The following COL6A6 variants were observed in gnomAD, a reference collection of about 807,000 sequenced individuals.
The protein encoded by COL6A6 is collagen type VI alpha 6 chain, also known as collagen alpha-6(VI) chain.
COL6A6 carries 183 observed loss-of-function variants against 208.6 expected under a neutral mutation model. The ratio of observed to expected loss-of-function variants is 0.88; its 90% CI spans 0.78 to 0.99. The LOEUF is 0.99. COL6A6 is among the 50% of genes least tolerant of loss of function. The pLI is 0.00. For synonymous variants in COL6A6, 973 were observed against 1,011.8 expected (o/e 0.96, Z 0.73); for missense variants, 2,816 against 2,815.2 (o/e 1.00, Z -0.01).
chr3:130,612,252 A>T (rs2064382374), intron 23 of COL6A6, among the ~76,000 whole-genome samples: 1 of 152,146 alleles, frequency 6.6e-6, no homozygotes, highest in African/African-American at 2.4e-5. Flanking sequence ...GTACACATGC[A>T]TGTGTCTTTA....
intron 35 of COL6A6, among the ~76,000 whole-genome samples, chr3:130,664,724 T>C (rs1313459142): frequency 6.6e-6 from 1 of 152,226 alleles, no homozygotes; most frequent in Non-Finnish European, 1.5e-5. Flanking sequence ...TAGGACTGGC[T>C]CATTGTTATC....
Position 130,566,687 on chromosome 3 carries a change from T to G in COL6A6, c.1283-15T>G, listed in dbSNP as rs1485861296. The G allele has an allele frequency of 6.4e-7, 1 of 1,569,648 alleles. No homozygotes were observed. The highest frequency in any genetic ancestry group is 1.4e-5 in the African/African-American group (1 of 73,360). On this transcript the variant is annotated splice_polypyrimidine_tract_variant and intron_variant, in intron 4 of 36. Coordinates refer to ENST00000358511, the MANE Select transcript of COL6A6 (RefSeq NM_001102608.3). ...TTGCTCAAATGCCACATGCAACTTA[T>G]TGATTCCTTTTTAGGTTGTGTGGAC... is the stretch of plus-strand genomic sequence containing the variant.
rs71133610 is a variant in COL6A6, at chr3:130,590,299, A to ATTTTTT, written c.4219-717_4219-712dup. The stretch of plus-strand genomic sequence containing the variant: ...TATATATATATATATATATATATAT[A>ATTTTTT]TTTTTTTTTTTTTTTTTTTTTTTTT... On this transcript the variant is annotated intron_variant, in intron 12 of 36. Coordinates refer to ENST00000358511, the MANE Select transcript of COL6A6 (RefSeq NM_001102608.3). 9.8e-4 allele frequency among the ~76,000 whole-genome samples: 9 copies of ATTTTTT among 9,174 alleles called. 1 individual carries two copies. Among genetic ancestry groups the ATTTTTT allele is most frequent in the South Asian group, 5.3e-3 (1 of 190 alleles). The allele number at this position is 9,174 out of a possible 152,430, so 6.0% of individuals were successfully genotyped here. A position where few individuals can be genotyped will look rare whatever the true frequency, so the allele number is the denominator to read the frequency against.
chr3:130,589,228 C>A, intron 12 of COL6A6, 46 bp downstream of exon 12: 1 of 1,357,776 alleles, frequency 7.4e-7, no homozygotes, highest in Non-Finnish European at 1.1e-6. Context: ...TGTAGTATGT[C>A]CTTCAGACAT....
intron 1 of COL6A6, among the ~76,000 whole-genome samples, chr3:130,551,304 A>AT (rs2062636063): frequency 6.6e-6 from 1 of 152,016 alleles, no homozygotes; most frequent in African/African-American, 2.4e-5. Flanking sequence ...GGTCCTGTGC[A>AT]TTTTTTGGTT....
At chr3:130,517,143 A>G (rs1710777832), upstream of COL6A6, among the ~76,000 whole-genome samples, 1 of 151,946 alleles carries the variant, frequency 6.6e-6, no homozygotes, top group African/African-American at 2.4e-5. Context: ...GGGCGGGGAG[A>G]AGCGTTTATA....
At chr3:130,638,393 C>G (rs973120600) in intron 28 of COL6A6, among the ~76,000 whole-genome samples, 3 of 152,190 alleles carry the variant, frequency 2.0e-5, no homozygotes, top group African/African-American at 7.2e-5. Context: ...GGCAAGTGTT[C>G]TCTCCAACTT....
Position 130,661,901 on chromosome 3 carries a change from A to G in COL6A6, c.6095A>G (p.Glu2032Gly), listed in dbSNP as rs192669670. 2.0e-5 allele frequency: 32 copies of G among 1,613,982 alleles called. No individual in the cohort carries two copies. In the Middle Eastern group the frequency reaches 4.9e-4, roughly 25 times the overall value. Residue 2032 changes from glutamate (E) to glycine (G), a missense_variant, in exon 35 of 37, where the codon GAG becomes GGG. Transcript: ENST00000358511. ...ACTCAGAAGAGTCCAGTTAGAGCTG[A>G]GTTCAATCTTACCACCTACAGAAGT... ...PNTQKSPVRA[E>G]FNLTTYRSKR...
In COL6A6 at chr3:130,571,019, C is replaced by G. The variant is rs372719031; in HGVS notation, c.2603C>G (p.Thr868Arg). 7.4e-6 allele frequency: 12 copies of G among 1,613,810 alleles called. No individual in the cohort carries two copies. The highest frequency in any genetic ancestry group is 1.7e-6 in the Non-Finnish European group (2 of 1,179,876). ...CTGTTTTATCTGGATGACTTTGGCA[C>G]AAAACTGGAGGTAATTTCAGTGCTC... is the stretch of plus-strand genomic sequence containing the variant. ...EVLFYLDDFG[T>R]KLEVISVLQN... Residue 868 changes from threonine (T) to arginine (R), a missense_variant, in exon 7 of 37, where the codon ACA (threonine) becomes AGA (arginine). Coordinates refer to ENST00000358511, the MANE Select transcript of COL6A6 (RefSeq NM_001102608.3).
chr3:130,655,821 T>G (rs1031472357), intron 33 of COL6A6, among the ~76,000 whole-genome samples: 2 of 152,248 alleles, frequency 1.3e-5, no homozygotes, highest in African/African-American at 4.8e-5. Context: ...TCAGGCCCAC[T>G]AGGCTTGTTC....
intron 36 of COL6A6, among the ~76,000 whole-genome samples, chr3:130,667,143 C>G (rs1256393343): frequency 6.6e-6 from 1 of 152,074 alleles, no homozygotes; most frequent in African/African-American, 2.4e-5. Context: ...GTATGTACTT[C>G]AAGAAAAATA....
intron 12 of COL6A6, among the ~76,000 whole-genome samples, 166 bp from the exon 13 acceptor site, chr3:130,590,875 A>C (rs997679647): frequency 6.6e-6 from 1 of 152,138 alleles, no homozygotes. Context: ...CCAAAATTCC[A>C]TTTCTTTTTA....
chr3:130,621,903 C>G lies in COL6A6; in HGVS notation c.4878+20C>G, dbSNP rs762413835. 207 of 1,600,822 alleles carry G rather than the reference C, an allele frequency of 1.3e-4. No homozygotes were observed. In the South Asian group the frequency reaches 1.7e-3, roughly 13 times the overall value. ...AATAAAGTAGGTCACATTCTTTATA[C>G]TCACCAAAGTTGAGGTTTTCTGCTC... On this transcript the variant is annotated intron_variant, in intron 24 of 36. Transcript: ENST00000358511.
chr3:130,586,708 G>T, intron 11 of COL6A6, 48 bp downstream of exon 11: 3 of 1,559,566 alleles, frequency 1.9e-6, no homozygotes, highest in Admixed American at 1.9e-5. Context: ...CAATTATTTT[G>T]TATATAAGTT....
chr3:130,646,823 G>A (rs1427686019), intron 32 of COL6A6, among the ~76,000 whole-genome samples: 3 of 152,212 alleles, frequency 2.0e-5, no homozygotes, highest in African/African-American at 4.8e-5. Context: ...GTATTAAAGA[G>A]TATGTTGAAA....
intron 23 of COL6A6, among the ~76,000 whole-genome samples, chr3:130,614,901 C>A (rs1553800423): frequency 8.6e-5 from 13 of 151,814 alleles, no homozygotes; most frequent in Non-Finnish European, 1.9e-4. Flanking sequence ...ATCTTCTCTC[C>A]TTTTTTTGTA....
At chr3:130,570,017 A>G (rs2063122364) in intron 6 of COL6A6, among the ~76,000 whole-genome samples, 4 of 152,208 alleles carry the variant, frequency 2.6e-5, no homozygotes, top group African/African-American at 9.7e-5. Context: ...TGTAGAGAGA[A>G]TGTGCTACAT....
At chr3:130,592,911 T>C in intron 15 of COL6A6, 150 bp from the exon 16 acceptor site, 1 of 843,660 alleles carries the variant, frequency 1.2e-6, no homozygotes, top group South Asian at 1.7e-5. Context: ...TGATAGTTTC[T>C]ATTACTGAGT....
intron 36 of COL6A6, among the ~76,000 whole-genome samples, chr3:130,670,343 G>A (rs2066181237): frequency 6.6e-6 from 1 of 152,244 alleles, no homozygotes; most frequent in South Asian, 2.1e-4. Context: ...AGTGCTACAA[G>A]CTGGTTAGCT....
Sources: gnomAD v4.1 joint callset for allele counts (sites outside exome capture counted in the v4.1 genomes callset) on GRCh38, gnomAD v4.1.1 for gene constraint, MANE v1.5 for transcripts, NCBI Gene and HGNC (gene_info 2026-07-23, HGNC 2026-07-21) for gene names.